Variants in AKAP9 observed in about 807,000 individuals in gnomAD.
AKAP9 encodes A-kinase anchoring protein 9.
AKAP9 carries 311 observed loss-of-function variants against 488.5 expected under a neutral mutation model. The observed-to-expected ratio is 0.64, with a 90% CI of 0.58 to 0.70. AKAP9 has a LOEUF of 0.70. Among genes scored for constraint, AKAP9 ranks in the 30% least tolerant of loss-of-function variants. AKAP9 has a pLI of 0.00. For missense variants in AKAP9, 4,215 were observed against 4,374.5 expected (o/e 0.96, Z 1.03); for synonymous variants, 1,462 against 1,483.5 (o/e 0.99, Z 0.33).
chr7:92,030,790 C>G (rs565578683), intron 15 of AKAP9, among the ~76,000 whole-genome samples: 40 of 142,070 alleles, frequency 2.8e-4, no homozygotes, highest in African/African-American at 9.8e-4. Flanking sequence ...TAAACCACCC[C>G]CTGCCTCTGC....
chr7:92,035,830 C>T (rs1241125983), intron 16 of AKAP9, among the ~76,000 whole-genome samples: 3 of 152,062 alleles, frequency 2.0e-5, no homozygotes, highest in Non-Finnish European at 2.9e-5. Flanking sequence ...TTTTATGTTG[C>T]CTGGAAGCAC....
rs17164323 is a variant in AKAP9, at chr7:92,032,760, T to C, written c.4338+1156T>C. 0.011 allele frequency among the ~76,000 whole-genome samples: 1,707 copies of C among 152,156 alleles called. 91 individuals are homozygous for C. In the East Asian group the frequency reaches 0.16, roughly 14 times the overall value. On this transcript the variant is annotated intron_variant, in intron 16 of 49. Transcript: ENST00000356239. ...GCCTAAAGTGAAAAGTGAAACACTA[T>C]CATTTTTTTTTTATAGCTTTCAATG...
At chr7:91,947,583 G>T (rs562988652) in intron 1 of AKAP9, among the ~76,000 whole-genome samples, 1 of 152,140 alleles carries the variant, frequency 6.6e-6, no homozygotes, top group East Asian at 1.9e-4. Context: ...CTTGTGATCC[G>T]TCCACCTTGG....
chr7:91,970,472 G>A, intron 1 of AKAP9: 1 of 456,742 alleles, frequency 2.2e-6, no homozygotes, highest in Non-Finnish European at 4.4e-6. Flanking sequence ...TTTTCTTTCA[G>A]ATTGAAGAAC....
Position 92,088,692 on chromosome 7 carries a change from G to T in AKAP9, c.9214-693G>T, listed in dbSNP as rs141661153. ...AACAGTTGGTACTCTGATGGTAGTG[G>T]TGGTTACGTGAACCTATCCATACAT... On this transcript the variant is annotated intron_variant, in intron 37 of 49. Coordinates refer to ENST00000356239, the MANE Select transcript of AKAP9 (RefSeq NM_005751.5). 9.2e-5 allele frequency among the ~76,000 whole-genome samples: 14 copies of T among 152,214 alleles called. No homozygotes were observed. In the East Asian group the frequency reaches 2.5e-3, roughly 27 times the overall value.
intron 16 of AKAP9, among the ~76,000 whole-genome samples, chr7:92,032,553 T>G (rs1804448992): frequency 6.6e-6 from 1 of 152,122 alleles, no homozygotes; most frequent in South Asian, 2.1e-4. Flanking sequence ...TGAGTTTGCT[T>G]TTTTTGTATA....
intron 35 of AKAP9, 26 bp downstream of exon 35, chr7:92,084,966 T>G (rs1563116378): frequency 6.2e-7 from 1 of 1,609,516 alleles, no homozygotes; most frequent in Middle Eastern, 1.7e-4. Flanking sequence ...TACCTTTTAT[T>G]AACTCAGCCA....
chr7:92,063,778 G>T (rs1810302010), intron 24 of AKAP9, among the ~76,000 whole-genome samples: 1 of 151,982 alleles, frequency 6.6e-6, no homozygotes, highest in African/African-American at 2.4e-5. Flanking sequence ...TTGTTTGTTT[G>T]TTTGTCTGTG....
At chr7:91,963,482 TCACACACA>T (rs56800758) in intron 1 of AKAP9, among the ~76,000 whole-genome samples, 7,746 of 139,274 alleles carry the variant, frequency 0.056, 228 homozygotes, top group Middle Eastern at 0.085. Flanking sequence ...AACATATTTG[TCACACACA>T]CACACACACA....
chr7:92,019,652 T>TAA (rs1562992530), intron 12 of AKAP9, among the ~76,000 whole-genome samples: 2 of 150,448 alleles, frequency 1.3e-5, no homozygotes, highest in African/African-American at 4.9e-5. Flanking sequence ...TATATATATA[T>TAA]AATATATACA....
chr7:92,044,914 C>A, intron 20 of AKAP9, 94 bp from the exon 21 acceptor site: 2 of 940,842 alleles, frequency 2.1e-6, no homozygotes, highest in South Asian at 1.4e-5. Flanking sequence ...TTTTTCAAAT[C>A]AAATATTTTG....
rs1341350016 is a variant in AKAP9 at position 91,940,981 on chromosome 7, A to T, written c.-119A>T. On this transcript the variant is annotated 5_prime_UTR_variant, in exon 1 of 50. Coordinates refer to ENST00000356239, the MANE Select transcript of AKAP9 (RefSeq NM_005751.5). ...TCCACTTCGGGCGGGGGAGCGCCGGACCGAATCGGCTCTCTAGGCCGTGGA... is the reference window on the plus strand; with the variant it reads ...TCCACTTCGGGCGGGGGAGCGCCGGTCCGAATCGGCTCTCTAGGCCGTGGA... The T allele has an allele frequency of 9.4e-7, 1 of 1,068,602 alleles. No homozygotes were observed. Among genetic ancestry groups the T allele is most frequent in the African/African-American group, 1.6e-5 (1 of 64,186 alleles). The allele number at this position is 1,068,602 out of a possible 1,614,324, so 66.2% of individuals were successfully genotyped here. A position where few individuals can be genotyped will look rare whatever the true frequency, so the allele number is the denominator to read the frequency against.
chr7:92,061,340 G>A lies in AKAP9; in HGVS notation c.5682G>A (p.Lys1894=). The A allele has an allele frequency of 6.2e-7, 1 of 1,613,186 alleles. No individual in the cohort carries two copies. Among genetic ancestry groups the A allele is most frequent in the Non-Finnish European group, 8.5e-7 (1 of 1,179,520 alleles). ...AACAAGAAGCAACAGAGTCCCTTAA[G>A]TGCCAAGAGGAACTTCGAGAGCGCC... ...RQKQEATESL[K]CQEELRERLH... is the part of the protein sequence containing the mutation. Residue 1894 remains lysine (K), a synonymous_variant, in exon 23 of 50, where the codon AAG becomes AAA. Coordinates refer to ENST00000356239, the MANE Select transcript of AKAP9 (RefSeq NM_005751.5).
At chr7:91,942,844 CT>C (rs1790951050) in intron 1 of AKAP9, among the ~76,000 whole-genome samples, 1 of 152,020 alleles carries the variant, frequency 6.6e-6, no homozygotes, top group Admixed American at 6.6e-5. Flanking sequence ...AGATTATCTT[CT>C]TTTAGAATTT....
Position 92,083,342 on chromosome 7 carries a change from T to C in AKAP9, c.8333T>C (p.Ile2778Thr). 18 of 1,614,036 alleles carry C rather than the reference T, an allele frequency of 1.1e-5. No homozygotes were observed. Among genetic ancestry groups the C allele is most frequent in the African/African-American group, 2.7e-5 (2 of 75,014 alleles). ...EPLPIKLSKS[I>T]ASQTDGTLKI... ...CTTCCTATAAAACTGAGTAAGAGCA[T>C]TGCATCCCAGACAGATGGGACTCTG... Residue 2778 changes from isoleucine (I) to threonine (T), a missense_variant, in exon 33 of 50, where the codon ATT becomes ACT. By Grantham distance (89) the Ile-to-Thr change is moderately conservative. This residue lies in a region of AKAP9 where 1,476 missense variants were observed against 1,477.4 expected (regional missense o/e 1.00). Transcript: ENST00000356239.
intron 10 of AKAP9, among the ~76,000 whole-genome samples, chr7:92,015,586 A>T (rs1304147471): frequency 6.7e-6 from 1 of 150,340 alleles, no homozygotes; most frequent in Non-Finnish European, 1.5e-5. Context: ...CTGGTCTTGA[A>T]CTCCTGACCT....
At chr7:91,954,993 T>A (rs999269226) in intron 1 of AKAP9, among the ~76,000 whole-genome samples, 6 of 152,244 alleles carry the variant, frequency 3.9e-5, no homozygotes, top group African/African-American at 1.4e-4. Context: ...AACTGTACTT[T>A]ATAGATGATT....
At chr7:92,063,658 T>G (rs1810279421) in intron 24 of AKAP9, among the ~76,000 whole-genome samples, 1 of 152,172 alleles carries the variant, frequency 6.6e-6, no homozygotes. Context: ...CAAATAAACT[T>G]TTCTTACAAT....
intron 43 of AKAP9, among the ~76,000 whole-genome samples, 186 bp from the exon 44 acceptor site, chr7:92,099,501 C>T (rs1387990073): frequency 6.6e-6 from 1 of 152,144 alleles, no homozygotes; most frequent in African/African-American, 2.4e-5. Context: ...TCGCTCAAGC[C>T]TTCGTGCCTT....
Sources: gnomAD v4.1 joint callset for allele counts (sites outside exome capture counted in the v4.1 genomes callset) on GRCh38, gnomAD v4.1.1 for gene constraint, gnomAD v4.1.1 regional missense constraint, MANE v1.5 for transcripts, NCBI Gene and HGNC (gene_info 2026-07-23, HGNC 2026-07-21) for gene names.